UGT1A8: variants seen among roughly 807,000 people sequenced by gnomAD.
UGT1A8 encodes the protein UDP-glucuronosyltransferase 1A8.
A neutral mutation model predicts 45.3 loss-of-function variants in UGT1A8; 39 were observed. The observed-to-expected ratio is 0.86, with a 90% confidence interval of 0.67 to 1.12. UGT1A8 has a LOEUF of 1.12. Among genes scored for constraint, UGT1A8 ranks in the 50% most tolerant of loss-of-function variants. The pLI is 0.00. For synonymous variants in UGT1A8, 275 were observed against 249.2 expected (o/e 1.10, Z -0.97); for missense variants, 719 against 664.9 (o/e 1.08, Z -0.90).
At chr2:233,746,798 G>A (rs1477118047) in intron 1 of UGT1A8, among the ~76,000 whole-genome samples, 2 of 151,768 alleles carry the variant, frequency 1.3e-5, no homozygotes, top group East Asian at 1.9e-4. Context: ...ATTCATGAGC[G>A]TGAATGTGGA....
chr2:233,623,965 G>A (rs572028806), intron 1 of UGT1A8, among the ~76,000 whole-genome samples: 2 of 152,170 alleles, frequency 1.3e-5, no homozygotes, highest in South Asian at 4.1e-4. Flanking sequence ...CTCACAGTCC[G>A]TTGAGTGACT....
chr2:233,715,924 G>T (rs1302782144), intron 1 of UGT1A8, among the ~76,000 whole-genome samples: 3 of 152,178 alleles, frequency 2.0e-5, no homozygotes, highest in African/African-American at 7.2e-5. Flanking sequence ...TTGAGCTCAG[G>T]AGTTTCAGCT....
intron 1 of UGT1A8, chr2:233,729,465 T>A (rs757398194): frequency 5.6e-6 from 9 of 1,614,038 alleles, no homozygotes; most frequent in African/African-American, 2.7e-5. Flanking sequence ...TTTTCAGAAG[T>A]ATGGCAATGT....
intron 1 of UGT1A8, among the ~76,000 whole-genome samples, chr2:233,703,968 G>A (rs1458834723): frequency 2.6e-5 from 4 of 151,690 alleles, no homozygotes; most frequent in Non-Finnish European, 2.9e-5. Context: ...TTGGCCCACT[G>A]CAACCTCCGC....
intron 1 of UGT1A8, among the ~76,000 whole-genome samples, chr2:233,707,982 G>A (rs1273981349): frequency 6.6e-6 from 1 of 152,134 alleles, no homozygotes; most frequent in Non-Finnish European, 1.5e-5. Context: ...TGCCCACTGG[G>A]TTGTCTACTC....
chr2:233,737,724 T>C (rs2078915957), intron 1 of UGT1A8, among the ~76,000 whole-genome samples: 1 of 152,142 alleles, frequency 6.6e-6, no homozygotes, highest in South Asian at 2.1e-4. Flanking sequence ...ACACCTCCTT[T>C]TTTTTTCCTT....
chr2:233,737,106 C>A (rs1413707543), intron 1 of UGT1A8, among the ~76,000 whole-genome samples: 1 of 152,198 alleles, frequency 6.6e-6, no homozygotes, highest in African/African-American at 2.4e-5. Flanking sequence ...TCTGCTGTTC[C>A]CCACATGTTC....
intron 1 of UGT1A8, among the ~76,000 whole-genome samples, chr2:233,725,069 C>G (rs1374250230): frequency 2.7e-5 from 4 of 146,562 alleles, no homozygotes; most frequent in Non-Finnish European, 4.5e-5. Context: ...CGCCTGCAAT[C>G]GCAGGCACTC....
At chr2:233,667,199 G>C (rs1454704460) in intron 1 of UGT1A8, among the ~76,000 whole-genome samples, 3 of 152,092 alleles carry the variant, frequency 2.0e-5, no homozygotes, top group African/African-American at 7.2e-5. Context: ...AGTATTTCTA[G>C]TTCTAGATCC....
At chr2:233,719,379 T>C in intron 1 of UGT1A8, 1 of 1,613,988 alleles carries the variant, frequency 6.2e-7, no homozygotes, top group Non-Finnish European at 8.5e-7. Context: ...GGGCACACAG[T>C]GTCCAAATCC....
intron 1 of UGT1A8, chr2:233,729,916 G>A (rs2077948862): frequency 6.2e-7 from 1 of 1,614,016 alleles, no homozygotes; most frequent in African/African-American, 1.3e-5. Flanking sequence ...CTTTGTGATG[G>A]ACTACCCCAG....
chr2:233,696,474 G>A (rs1025416296), intron 1 of UGT1A8, among the ~76,000 whole-genome samples: 1 of 152,046 alleles, frequency 6.6e-6, no homozygotes, highest in Non-Finnish European at 1.5e-5. Flanking sequence ...AGTTGATCTT[G>A]TATACTGCAA....
rs759111365 is a variant in UGT1A8 at position 233,617,676 on chromosome 2, T to C, written c.-32T>C. On this transcript the variant is annotated 5_prime_UTR_variant, in exon 1 of 5. Transcript: ENST00000373450. ...CCTACTGTATCATAGCAGCTTAGAA[T>C]CCCAGCTGCTGGCTCGGGCTGCAGT... 17 of 1,594,840 alleles carry C rather than the reference T, an allele frequency of 1.1e-5. No individual in the cohort carries two copies. In the Admixed American group the frequency reaches 1.7e-4, roughly 16 times the overall value.
At position 233,654,130 on chromosome 2, in the gene UGT1A8, C is replaced by A. The variant is rs191316181; in HGVS notation, c.855+35568C>A. Among the ~76,000 whole-genome samples the A allele has an allele frequency of 2.7e-3, 410 of 151,906 alleles. 1 individual carries two copies. The highest frequency in any genetic ancestry group is 9.2e-3 in the African/African-American group (382 of 41,410). On this transcript the variant is annotated intron_variant, in intron 1 of 4. Coordinates refer to ENST00000373450, the MANE Select transcript of UGT1A8 (RefSeq NM_019076.5). ...TATGAAGATGAAATACATAGCATAG[C>A]AAATTGTAAAAATAATGCTGACAAT...
At chr2:233,655,022 G>A (rs553523097) in intron 1 of UGT1A8, among the ~76,000 whole-genome samples, 1 of 152,182 alleles carries the variant, frequency 6.6e-6, no homozygotes, top group South Asian at 2.1e-4. Flanking sequence ...CTGGAAGATG[G>A]AGGTTGCAGT....
chr2:233,747,319 A>G (rs867833419), intron 1 of UGT1A8: 39 of 1,603,648 alleles, frequency 2.4e-5, no homozygotes, highest in Middle Eastern at 3.3e-4. Context: ...GGTGGTACCC[A>G]TTGATGGCAG....
chr2:233,760,764 C>T lies in UGT1A8; in HGVS notation c.856-6270C>T, dbSNP rs199766420. 1.0e-4 allele frequency: 164 copies of T among 1,614,088 alleles called. 1 individual carries two copies. The Middle Eastern group carries it at 2.1e-3, about 21-fold the overall frequency. ...ACCCTTTCCTTCCTTGCAGCCCCATCGTGGCCCAGTACCTGTCTCTGCCCA... is the reference window on the plus strand; with the variant it reads ...ACCCTTTCCTTCCTTGCAGCCCCATTGTGGCCCAGTACCTGTCTCTGCCCA... On this transcript the variant is annotated intron_variant, in intron 1 of 4. Transcript: ENST00000373450.
intron 1 of UGT1A8, among the ~76,000 whole-genome samples, chr2:233,654,959 C>T (rs557703839): frequency 4.1e-4 from 63 of 152,062 alleles, no homozygotes; most frequent in South Asian, 2.5e-3. Context: ...CAGTGTATGG[C>T]GGGCATCTGT....
rs142524718 is a variant in UGT1A8 at position 233,712,496 on chromosome 2, C to G, written c.856-54538C>G. 2.0e-5 allele frequency among the ~76,000 whole-genome samples: 3 copies of G among 152,274 alleles called. No individual in the cohort carries two copies. The East Asian group carries it at 5.8e-4, about 29-fold the overall frequency. On this transcript the variant is annotated intron_variant, in intron 1 of 4. Coordinates refer to ENST00000373450, the MANE Select transcript of UGT1A8 (RefSeq NM_019076.5). ...CCCTGTTTAAAGAAAGCTGGCTTAG[C>G]AATGTTGTCTGCATTTTGGATGTGC... is the stretch of plus-strand genomic sequence containing the variant.
Sources: gnomAD v4.1 joint callset for allele counts (sites outside exome capture counted in the v4.1 genomes callset) on GRCh38, gnomAD v4.1.1 for gene constraint, MANE v1.5 for transcripts, NCBI Gene and HGNC (gene_info 2026-07-23, HGNC 2026-07-21) for gene names.